Variants in SYNCRIP observed in about 807,000 individuals in gnomAD.
SYNCRIP encodes synaptotagmin binding cytoplasmic RNA interacting protein, also known as heterogeneous nuclear ribonucleoprotein Q.
SYNCRIP carries 9 observed loss-of-function variants against 68.9 expected under a neutral mutation model. The ratio of observed to expected loss-of-function variants is 0.13; its 90% confidence interval spans 0.08 to 0.23. The LOEUF (loss-of-function observed/expected upper bound fraction) is 0.23. Ranked by LOEUF, SYNCRIP falls within the 10% of genes least tolerant of loss-of-function variation. The pLI is 1.00. For synonymous variants in SYNCRIP, 258 were observed against 254.0 expected (o/e 1.02, Z -0.15); for missense variants, 414 against 770.6 (o/e 0.54, Z 5.48).
At chr6:85,632,182 T>A (rs895041613) in intron 6 of SYNCRIP, among the ~76,000 whole-genome samples, 2 of 152,220 alleles carry the variant, frequency 1.3e-5, no homozygotes, top group Non-Finnish European at 2.9e-5. Context: ...CTAGAGAAAC[T>A]ATTCATTGCT....
intron 6 of SYNCRIP, among the ~76,000 whole-genome samples, chr6:85,629,088 T>TG (rs1283984959): frequency 1.3e-5 from 2 of 151,836 alleles, no homozygotes; most frequent in African/African-American, 4.8e-5. Context: ...AAAAAGGGGG[T>TG]GGGGGGTGCT....
chr6:85,624,190 G>A, intron 6 of SYNCRIP, 78 bp from the exon 7 acceptor site: 1 of 1,398,090 alleles, frequency 7.2e-7, no homozygotes, highest in East Asian at 2.3e-5. Context: ...ATACACAAGA[G>A]CAAATCATCC....
downstream of SYNCRIP, chr6:85,611,952 A>T (rs748791225): frequency 4.6e-5 from 7 of 152,410 alleles, no homozygotes; most frequent in Non-Finnish European, 1.0e-4. Context: ...AGTATTTAGT[A>T]CAAGTTCGGA....
chr6:85,636,550 A>C (rs1808474370), intron 6 of SYNCRIP, among the ~76,000 whole-genome samples: 1 of 152,216 alleles, frequency 6.6e-6, no homozygotes, highest in African/African-American at 2.4e-5. Flanking sequence ...GCCACTCACC[A>C]TAAAATCTTT....
chr6:85,641,357 T>C lies in SYNCRIP; in HGVS notation c.83A>G (p.Gln28Arg). Reference protein sequence around the residue: ...TSAVIHSENFQTLLDAGLPQK... With the variant: ...TSAVIHSENFRTLLDAGLPQK... ...TGGTAAACCAGCATCAAGCAATGTC[T>C]GAAAATTTTCTGAATGGATAACTGC... is the stretch of plus-strand genomic sequence containing the variant. The change falls in exon 2 of 11, where the codon CAG (glutamine) becomes CGG (arginine). Residue 28 changes from glutamine to arginine, a missense_variant. Around this residue, in one of 6 missense-constraint regions of SYNCRIP, gnomAD observed 51 missense variants for 63.7 expected, o/e 0.80. Transcript: ENST00000369622. The C allele has an allele frequency of 2.5e-6, 4 of 1,612,972 alleles. No individual in the cohort carries two copies. The highest frequency in any genetic ancestry group is 3.4e-6 in the Non-Finnish European group (4 of 1,179,992).
At position 85,640,426 on chromosome 6, in the gene SYNCRIP, CACATTG is replaced by C; in HGVS notation, c.267+14_267+19del. On this transcript the variant is annotated intron_variant, in intron 3 of 10. Transcript: ENST00000369622. The stretch of plus-strand genomic sequence containing the variant: ...AAAACTACTCAAATTTTTTAATTTT[CACATTG>C]ACATTAACATTACCTGAACATGAGA... 2 of 1,588,970 alleles carry C rather than the reference CACATTG, an allele frequency of 1.3e-6. No homozygotes were observed. Among genetic ancestry groups the C allele is most frequent in the Non-Finnish European group, 1.7e-6 (2 of 1,164,998 alleles).
At chr6:85,625,222 A>C (rs1047613941) in intron 6 of SYNCRIP, among the ~76,000 whole-genome samples, 2 of 152,126 alleles carry the variant, frequency 1.3e-5, no homozygotes, top group African/African-American at 4.8e-5. Context: ...TATTCTGTAC[A>C]GGCTATTCAA....
intron 6 of SYNCRIP, among the ~76,000 whole-genome samples, chr6:85,634,493 C>CA (rs1435784710): frequency 6.6e-6 from 1 of 152,124 alleles, no homozygotes; most frequent in East Asian, 1.9e-4. Flanking sequence ...TCCAGGAACC[C>CA]ATACCAAAAT....
chr6:85,609,442 T>C (rs1472001199), downstream of SYNCRIP: 1 of 151,940 alleles, frequency 6.6e-6, no homozygotes, highest in Admixed American at 6.6e-5. Context: ...CATTTCTATG[T>C]TGTTCCTATT....
intron 6 of SYNCRIP, among the ~76,000 whole-genome samples, chr6:85,627,758 T>C (rs550733570): frequency 3.3e-5 from 5 of 152,268 alleles, no homozygotes; most frequent in Non-Finnish European, 5.9e-5. Context: ...GTTGTAAAAA[T>C]CTAGCCTTCA....
chr6:85,636,635 C>G (rs1808485480), intron 6 of SYNCRIP, among the ~76,000 whole-genome samples: 1 of 152,020 alleles, frequency 6.6e-6, no homozygotes, highest in African/African-American at 2.4e-5. Flanking sequence ...CAGGTATGGC[C>G]AGGAAGTATG....
chr6:85,636,896 C>G, intron 6 of SYNCRIP, 71 bp downstream of exon 6: 1 of 1,433,128 alleles, frequency 7.0e-7, no homozygotes, highest in Non-Finnish European at 9.4e-7. Flanking sequence ...AACTCTTAGG[C>G]ACACTAAGAA....
intron 6 of SYNCRIP, 145 bp downstream of exon 6, chr6:85,636,822 G>C: frequency 1.5e-6 from 1 of 669,174 alleles, no homozygotes; most frequent in Non-Finnish European, 2.5e-6. Context: ...ACACTACAAT[G>C]CTTGCACAGT....
At chr6:85,616,252 A>G (rs1467424180) in intron 10 of SYNCRIP, among the ~76,000 whole-genome samples, 1 of 152,228 alleles carries the variant, frequency 6.6e-6, no homozygotes, top group Non-Finnish European at 1.5e-5. Flanking sequence ...CAATAATCCC[A>G]TGAAATATGG....
intron 6 of SYNCRIP, among the ~76,000 whole-genome samples, chr6:85,626,900 C>T (rs1238078989): frequency 6.6e-6 from 1 of 152,146 alleles, no homozygotes; most frequent in East Asian, 1.9e-4. Context: ...CTCTGAACAA[C>T]ATAAATAACA....
intron 6 of SYNCRIP, among the ~76,000 whole-genome samples, chr6:85,624,486 A>G (rs561987941): frequency 2.6e-5 from 4 of 152,290 alleles, no homozygotes; most frequent in Admixed American, 2.6e-4. Flanking sequence ...GTTAACCAGC[A>G]CCTAAATCTA....
intron 6 of SYNCRIP, among the ~76,000 whole-genome samples, chr6:85,630,092 T>G (rs1339016439): frequency 6.6e-6 from 1 of 152,106 alleles, no homozygotes; most frequent in African/African-American, 2.4e-5. Context: ...CCGGGCACTG[T>G]GGCTCACGTC....
At chr6:85,622,339 A>T in intron 8 of SYNCRIP, 143 bp downstream of exon 8, 1 of 814,632 alleles carries the variant, frequency 1.2e-6, no homozygotes, top group Non-Finnish European at 1.9e-6. Context: ...ATGGCACTCC[A>T]GCCTGGGAAA....
downstream of SYNCRIP, chr6:85,610,434 T>C (rs1028347637): frequency 6.6e-6 from 1 of 151,988 alleles, no homozygotes; most frequent in African/African-American, 2.4e-5. Flanking sequence ...CTTCAATTTC[T>C]TTTTATCAGT....
Sources: gnomAD v4.1 joint callset for allele counts (sites outside exome capture counted in the v4.1 genomes callset) on GRCh38, gnomAD v4.1.1 for gene constraint, gnomAD v4.1.1 regional missense constraint, MANE v1.5 for transcripts, NCBI Gene and HGNC (gene_info 2026-07-23, HGNC 2026-07-21) for gene names.